Variants in RAB5A observed in about 807,000 individuals in gnomAD.
RAB5A encodes RAB5A, member RAS oncogene family, also known as ras-related protein Rab-5A.
RAB5A carries 8 observed loss-of-function variants against 25.7 expected under a neutral mutation model. That is an observed-to-expected ratio of 0.31 (90% CI 0.18 to 0.56). The LOEUF is 0.56. Among genes scored for constraint, RAB5A ranks in the 20% least tolerant of loss-of-function variants. The pLI is 0.91. For missense variants in RAB5A, 192 were observed against 259.7 expected, an observed-to-expected ratio of 0.74 and a Z score of 1.79; for synonymous variants, 98 against 89.8, an observed-to-expected ratio of 1.09 and a Z score of -0.52.
chr3:19,955,925 T>G (rs1249178841), intron 2 of RAB5A, among the ~76,000 whole-genome samples: 2 of 151,984 alleles, frequency 1.3e-5, no homozygotes, highest in African/African-American at 4.8e-5. Context: ...GCAACTAACC[T>G]AGTTTGAGAA....
chr3:19,975,896 T>TAAA, intron 3 of RAB5A, 144 bp downstream of exon 3: 1 of 1,290,032 alleles, frequency 7.8e-7, no homozygotes, highest in Non-Finnish European at 1.1e-6. Context: ...AATCTGGTTT[T>TAAA]AAAAAAAAAC....
rs375938750 is a variant in RAB5A at position 19,985,126 on chromosome 3, T to TAA, written c.*1304_*1305insAA. ...ATTAGGAAAACGGTTCACCAGTGTT[T>TAA]AGTTTTATATTGAGGTGCTCAGGTT... On this transcript the variant is annotated 3_prime_UTR_variant, in exon 6 of 6. Coordinates refer to ENST00000273047, the MANE Select transcript of RAB5A (RefSeq NM_004162.5). 8.1e-6 allele frequency: 3 copies of TAA among 370,798 alleles called. No individual in the cohort carries two copies. The highest frequency in any genetic ancestry group is 6.3e-5 in the African/African-American group (3 of 47,278). 23.0% of individuals were successfully genotyped at this position (370,798 alleles called of 1,614,324 possible).
At chr3:19,968,546 C>A (rs1038863646) in intron 2 of RAB5A, among the ~76,000 whole-genome samples, 1 of 152,182 alleles carries the variant, frequency 6.6e-6, no homozygotes, top group Admixed American at 6.5e-5. Flanking sequence ...GCAACCTCCG[C>A]CTCCAGGATT....
chr3:19,968,104 T>A (rs1377476686), intron 2 of RAB5A, among the ~76,000 whole-genome samples: 1 of 151,730 alleles, frequency 6.6e-6, no homozygotes, highest in African/African-American at 2.4e-5. Flanking sequence ...CTAACTTGAA[T>A]TTTTTTTTAT....
At chr3:19,974,857 T>G (rs1238380199) in intron 2 of RAB5A, among the ~76,000 whole-genome samples, 1 of 152,200 alleles carries the variant, frequency 6.6e-6, no homozygotes, top group African/African-American at 2.4e-5. Flanking sequence ...GATGGTACTT[T>G]TAGGCACACT....
At chr3:19,961,138 G>A (rs894955833) in intron 2 of RAB5A, among the ~76,000 whole-genome samples, 3 of 152,226 alleles carry the variant, frequency 2.0e-5, no homozygotes, top group African/African-American at 7.2e-5. Flanking sequence ...TTAAAGATAG[G>A]ACACTTATAA....
intron 2 of RAB5A, 106 bp from the exon 3 acceptor site, chr3:19,975,495 C>CG (rs1347822660): frequency 7.6e-6 from 8 of 1,051,462 alleles, no homozygotes; most frequent in African/African-American, 1.6e-5. Context: ...TACATACTTA[C>CG]GGGGTACAGT....
chr3:19,962,634 G>A (rs1575070643), intron 2 of RAB5A, among the ~76,000 whole-genome samples: 1 of 152,018 alleles, frequency 6.6e-6, no homozygotes, highest in Non-Finnish European at 1.5e-5. Context: ...ATTTTTCTTG[G>A]CTGTAACAGT....
At chr3:19,964,644 G>A (rs1696635351) in intron 2 of RAB5A, among the ~76,000 whole-genome samples, 1 of 152,148 alleles carries the variant, frequency 6.6e-6, no homozygotes, top group Non-Finnish European at 1.5e-5. Flanking sequence ...ATTTGTTTGA[G>A]ACGGAGTCAC....
rs755219226 is a variant in RAB5A at position 19,975,771 on chromosome 3, C to T, written c.315+19C>T. The T allele has an allele frequency of 1.0e-5, 16 of 1,580,526 alleles. No homozygotes were observed. The highest frequency in any genetic ancestry group is 1.7e-4 in the Middle Eastern group (1 of 5,928). On this transcript the variant is annotated intron_variant, in intron 3 of 5. Transcript: ENST00000273047. ...AAATGAGGTAAGTATGGATGCATTCCACAGTAAAACTAATTTGAGTACCCA... is the reference window on the plus strand; with the variant it reads ...AAATGAGGTAAGTATGGATGCATTCTACAGTAAAACTAATTTGAGTACCCA...
intron 2 of RAB5A, among the ~76,000 whole-genome samples, chr3:19,959,367 T>C (rs185944070): frequency 6.6e-6 from 1 of 152,176 alleles, no homozygotes; most frequent in East Asian, 1.9e-4. Context: ...TATTAAAGGT[T>C]TTTAAAAGTG....
chr3:19,953,446 C>G (rs1029559372), intron 2 of RAB5A, among the ~76,000 whole-genome samples: 1 of 139,688 alleles, frequency 7.2e-6, no homozygotes, highest in Admixed American at 7.6e-5. Context: ...AGGTCTCTGT[C>G]GCCCAGGCTG....
intron 2 of RAB5A, among the ~76,000 whole-genome samples, chr3:19,971,657 T>C (rs990800665): frequency 1.3e-5 from 2 of 152,090 alleles, no homozygotes; most frequent in African/African-American, 4.8e-5. Context: ...GTATTTTTAG[T>C]AGAGACGAGG....
chr3:19,984,183 T>G lies in RAB5A; in HGVS notation c.*360T>G. ...ACAGTAGTCACCTGTGAAAAAAAAA[T>G]TGGAACTTACTAATTTGGGCTTTTC... On this transcript the variant is annotated 3_prime_UTR_variant, in exon 6 of 6. Transcript: ENST00000273047. 2.5e-6 allele frequency: 1 copy of G among 402,278 alleles called. No individual in the cohort carries two copies. Among genetic ancestry groups the G allele is most frequent in the Non-Finnish European group, 4.8e-6 (1 of 209,988 alleles). 24.9% of individuals were successfully genotyped at this position (402,278 alleles called of 1,614,324 possible).
At chr3:19,956,874 T>C (rs923117725) in intron 2 of RAB5A, among the ~76,000 whole-genome samples, 3 of 152,118 alleles carry the variant, frequency 2.0e-5, no homozygotes, top group Admixed American at 1.3e-4. Context: ...CTTGAGATGG[T>C]AGCTGTTACA....
intron 1 of RAB5A, chr3:19,947,729 GA>G: frequency 6.6e-6 from 1 of 152,480 alleles, no homozygotes; most frequent in East Asian, 1.9e-4. Context: ...TGGAGACCGG[GA>G]TTTGGGGACT....
intron 2 of RAB5A, among the ~76,000 whole-genome samples, chr3:19,955,567 GT>G (rs1222225684): frequency 6.6e-6 from 1 of 152,068 alleles, no homozygotes; most frequent in African/African-American, 2.4e-5. Flanking sequence ...TAATTGGGGG[GT>G]TTTTTTGAGG....
intron 2 of RAB5A, among the ~76,000 whole-genome samples, chr3:19,964,717 G>T (rs1177655403): frequency 3.9e-5 from 6 of 152,134 alleles, no homozygotes. Flanking sequence ...TGGTTCAAAC[G>T]ATTCTTGTGC....
chr3:19,960,502 T>C (rs1437171136), intron 2 of RAB5A, among the ~76,000 whole-genome samples: 1 of 152,176 alleles, frequency 6.6e-6, no homozygotes, highest in Non-Finnish European at 1.5e-5. Context: ...CTATTCTCCA[T>C]GTTTCCCAGG....
Sources: gnomAD v4.1 joint callset for allele counts (sites outside exome capture counted in the v4.1 genomes callset) on GRCh38, gnomAD v4.1.1 for gene constraint, MANE v1.5 for transcripts, NCBI Gene and HGNC (gene_info 2026-07-23, HGNC 2026-07-21) for gene names.